The following DIAPH2 variants were observed in gnomAD, a reference collection of about 807,000 sequenced individuals.
DIAPH2 encodes diaphanous related formin 2.
A neutral mutation model predicts 92.7 loss-of-function variants in DIAPH2; 35 were observed. The observed-to-expected ratio is 0.38, with a 90% CI of 0.29 to 0.50. The LOEUF (loss-of-function observed/expected upper bound fraction) is 0.50, where lower values mean the gene tolerates loss of function less well. DIAPH2 is among the 20% of genes least tolerant of loss of function. The probability of loss-of-function intolerance (pLI) is 0.94; values close to 1 mark genes in which losing one functional copy is unlikely to be tolerated. For missense variants in DIAPH2, 701 were observed against 819.5 expected (o/e 0.86, Z 1.77); for synonymous variants, 301 against 280.4 (o/e 1.07, Z -0.73).
At position 97,111,900 on chromosome X, in the gene DIAPH2, TAACCGTTTC is replaced by T. The variant is rs1478194803; in HGVS notation, c.2350-2825_2350-2817del. On this transcript the variant is annotated intron_variant, in intron 20 of 26. Transcript: ENST00000324765. ...CTCATCTTTGGAATGAAAATAACGA[TAACCGTTTC>T]CTAGGATTGTTTTGAGAATCAAATC... is the stretch of plus-strand genomic sequence containing the variant. Among the ~76,000 whole-genome samples, 3 of 112,405 alleles carry T rather than the reference TAACCGTTTC, an allele frequency of 2.7e-5. No homozygotes were observed. In the East Asian group the frequency reaches 8.4e-4, roughly 31 times the overall value.
chrX:96,866,499 C>CT (rs928954889), intron 4 of DIAPH2, among the ~76,000 whole-genome samples: 19 of 111,357 alleles, frequency 1.7e-4, no homozygotes, highest in Admixed American at 4.8e-4. Context: ...AGATGGCTGA[C>CT]TTTTTTTTGT....
At chrX:97,315,022 T>A (rs1338343604) in intron 23 of DIAPH2, among the ~76,000 whole-genome samples, 1 of 112,257 alleles carries the variant, frequency 8.9e-6, no homozygotes, top group Non-Finnish European at 1.9e-5. Context: ...TCTCCTATTA[T>A]TATGGAAACA....
At chrX:96,976,212 C>T (rs1021948583) in intron 17 of DIAPH2, among the ~76,000 whole-genome samples, 35 of 109,501 alleles carry the variant, frequency 3.2e-4, no homozygotes, top group African/African-American at 1.1e-3. Flanking sequence ...AGGGTTTCAC[C>T]AGGAGGCGGA....
chrX:96,729,244 C>T (rs1462506799), intron 1 of DIAPH2, among the ~76,000 whole-genome samples: 1 of 111,753 alleles, frequency 8.9e-6, no homozygotes, highest in Non-Finnish European at 1.9e-5. Flanking sequence ...GAGGCGGTTC[C>T]CAGCTTGAAG....
chrX:97,504,298 C>G (rs1282895385), intron 26 of DIAPH2, among the ~76,000 whole-genome samples: 1 of 111,709 alleles, frequency 9.0e-6, no homozygotes, highest in Non-Finnish European at 1.9e-5. Flanking sequence ...CAGATGTTTT[C>G]TTTGTTAGGC....
At chrX:96,852,044 C>A (rs759324359) in intron 4 of DIAPH2, among the ~76,000 whole-genome samples, 2 of 111,835 alleles carry the variant, frequency 1.8e-5, no homozygotes, top group African/African-American at 3.2e-5. Context: ...ATGTATATTA[C>A]CTCTCTGGAA....
chrX:97,394,667 G>A (rs1463568599), intron 25 of DIAPH2, among the ~76,000 whole-genome samples: 1 of 111,767 alleles, frequency 8.9e-6, no homozygotes, highest in Non-Finnish European at 1.9e-5. Flanking sequence ...CCATGTTAAG[G>A]CAATATCGTG....
intron 23 of DIAPH2, among the ~76,000 whole-genome samples, chrX:97,337,125 C>G (rs748002042): frequency 1.9e-5 from 2 of 104,979 alleles, no homozygotes; most frequent in South Asian, 8.0e-4. Flanking sequence ...TTCTTTCTTT[C>G]TTTTCTTTTT....
chrX:96,937,650 AT>A (rs976926723), intron 11 of DIAPH2, among the ~76,000 whole-genome samples: 26 of 111,654 alleles, frequency 2.3e-4, no homozygotes, highest in South Asian at 3.7e-4. Context: ...ACATGTAAGG[AT>A]TTTTTTGGGG....
chrX:97,527,709 A>T (rs1186613022), intron 26 of DIAPH2, among the ~76,000 whole-genome samples: 2 of 112,234 alleles, frequency 1.8e-5, no homozygotes, highest in African/African-American at 6.5e-5. Flanking sequence ...AGATCATTTT[A>T]TATTTTGGGC....
chrX:97,426,479 G>T (rs1446435819), intron 25 of DIAPH2, among the ~76,000 whole-genome samples: 2 of 109,520 alleles, frequency 1.8e-5, no homozygotes, highest in East Asian at 5.8e-4. Context: ...TAGTAGAATC[G>T]GGGTTTCACC....
rs745606120 is a variant in DIAPH2, at chrX:97,454,239, C to CA, written c.3241+24495dup. Among the ~76,000 whole-genome samples the CA allele has an allele frequency of 5.4e-3, 599 of 111,255 alleles. 3 individuals carry two copies. The highest frequency in any genetic ancestry group is 0.012 in the South Asian group (30 of 2,601). ...ATACATACCAGGATTGAGAGGTAGA[C>CA]AGATACTTTAAGACTCACTGGAAGC... On this transcript the variant is annotated intron_variant, in intron 26 of 26. Coordinates refer to ENST00000324765, the MANE Select transcript of DIAPH2 (RefSeq NM_006729.5).
intron 1 of DIAPH2, among the ~76,000 whole-genome samples, chrX:96,688,555 T>C (rs975807389): frequency 1.8e-5 from 2 of 111,776 alleles, no homozygotes; most frequent in Non-Finnish European, 3.8e-5. Context: ...CAGGCTGGTC[T>C]TGAATTCTTG....
intron 3 of DIAPH2, among the ~76,000 whole-genome samples, chrX:96,748,976 T>G (rs907631102): frequency 4.5e-5 from 5 of 110,150 alleles, no homozygotes; most frequent in African/African-American, 1.6e-4. Flanking sequence ...TGTCTATAGC[T>G]CCTTTGTGCT....
chrX:96,710,856 C>T (rs189549740), intron 1 of DIAPH2, among the ~76,000 whole-genome samples: 123 of 111,182 alleles, frequency 1.1e-3, no homozygotes, highest in African/African-American at 3.9e-3. Context: ...CTCACCCTCC[C>T]TCCTGAAAAT....
intron 23 of DIAPH2, among the ~76,000 whole-genome samples, chrX:97,283,308 T>A (rs1257331887): frequency 8.9e-6 from 1 of 111,868 alleles, no homozygotes; most frequent in Non-Finnish European, 1.9e-5. Context: ...GTGATGATGA[T>A]GATGATGTTA....
intron 26 of DIAPH2, among the ~76,000 whole-genome samples, chrX:97,457,470 A>G (rs191900769): frequency 6.3e-4 from 71 of 112,742 alleles, no homozygotes; most frequent in African/African-American, 2.0e-3. Flanking sequence ...TTTAAAACGT[A>G]GAAGCTTAAA....
chrX:97,362,505 TTCTG>T lies in DIAPH2; in HGVS notation c.3009+14229_3009+14232del, dbSNP rs754849575. 1.5e-4 allele frequency among the ~76,000 whole-genome samples: 17 copies of T among 112,471 alleles called. No homozygotes were observed. The East Asian group carries it at 3.6e-3, about 24-fold the overall frequency. On this transcript the variant is annotated intron_variant, in intron 24 of 26. Transcript: ENST00000324765. Reference sequence around the variant, plus strand: ...TTGAAGTTATCCTTCACTGTTTGCGTTCTGTCTTTCGCTAGAATATACTTACACA... The same window carrying T: ...TTGAAGTTATCCTTCACTGTTTGCGTTCTTTCGCTAGAATATACTTACACA...
At chrX:97,226,917 A>G in intron 22 of DIAPH2, among the ~76,000 whole-genome samples, 1 of 111,586 alleles carries the variant, frequency 9.0e-6, no homozygotes, top group Non-Finnish European at 1.9e-5. Flanking sequence ...TATAATCAGA[A>G]TTGACAAAAC....
Sources: gnomAD v4.1 joint callset for allele counts (sites outside exome capture counted in the v4.1 genomes callset) on GRCh38, gnomAD v4.1.1 for gene constraint, MANE v1.5 for transcripts, NCBI Gene and HGNC (gene_info 2026-07-23, HGNC 2026-07-21) for gene names.